MAGI2: variants seen among roughly 807,000 people sequenced by gnomAD.
MAGI2 encodes the protein membrane-associated guanylate kinase, WW and PDZ domain-containing protein 2.
MAGI2 carries 35 observed loss-of-function variants against 133.3 expected under a neutral mutation model. The observed-to-expected ratio is 0.26, with a 90% CI of 0.20 to 0.35. MAGI2 has a LOEUF of 0.35. MAGI2 is among the 10% of genes least tolerant of loss of function. MAGI2 has a pLI of 1.00. For synonymous variants in MAGI2, 729 were observed against 710.6 expected (o/e 1.03, Z -0.41); for missense variants, 1,636 against 1,863.4 (o/e 0.88, Z 2.25).
intron 2 of MAGI2, among the ~76,000 whole-genome samples, chr7:78,887,584 G>A (rs1338589711): frequency 6.6e-6 from 1 of 152,188 alleles, no homozygotes; most frequent in Non-Finnish European, 1.5e-5. Flanking sequence ...GGTGGCCATT[G>A]TCCATAAGAC....
At chr7:78,316,141 C>T (rs916141509) in intron 9 of MAGI2, among the ~76,000 whole-genome samples, 6 of 152,126 alleles carry the variant, frequency 3.9e-5, no homozygotes, top group Admixed American at 3.3e-4. Flanking sequence ...CCTTTTATCC[C>T]CTGCAGCTAC....
intron 1 of MAGI2, among the ~76,000 whole-genome samples, chr7:79,193,656 G>A (rs1223183060): frequency 6.6e-6 from 1 of 151,708 alleles, no homozygotes; most frequent in Non-Finnish European, 1.5e-5. Context: ...AAAATACCAT[G>A]AAAAGTCAAG....
At chr7:78,505,689 T>G (rs1439694859) in intron 4 of MAGI2, among the ~76,000 whole-genome samples, 1 of 152,210 alleles carries the variant, frequency 6.6e-6, no homozygotes, top group African/African-American at 2.4e-5. Context: ...ATTGATCCTT[T>G]CTCTCATGGA....
chr7:79,425,578 TTA>T (rs10639427), intron 1 of MAGI2, among the ~76,000 whole-genome samples: 18,685 of 131,132 alleles, frequency 0.14, 1,307 homozygotes, highest in South Asian at 0.24. Context: ...AATAAGGGTT[TTA>T]TATATATATA....
intron 16 of MAGI2, among the ~76,000 whole-genome samples, chr7:78,159,310 A>T (rs1480611013): frequency 7.9e-5 from 12 of 152,178 alleles, no homozygotes; most frequent in Admixed American, 7.9e-4. Flanking sequence ...CCTTCTGACT[A>T]TATCTCATGC....
intron 4 of MAGI2, chr7:78,517,920 G>C (rs1430088860): frequency 6.6e-6 from 1 of 151,730 alleles, no homozygotes; most frequent in Admixed American, 6.6e-5. Flanking sequence ...ATTTAAAGGT[G>C]GTCATTGAGT....
At chr7:78,849,673 A>G (rs1252342697) in intron 2 of MAGI2, among the ~76,000 whole-genome samples, 3 of 152,100 alleles carry the variant, frequency 2.0e-5, no homozygotes, top group Non-Finnish European at 4.4e-5. Flanking sequence ...TCCTCAAAAC[A>G]TTCTCAAACA....
At chr7:78,138,968 T>G (rs1259982526) in intron 16 of MAGI2, among the ~76,000 whole-genome samples, 1 of 152,244 alleles carries the variant, frequency 6.6e-6, no homozygotes, top group East Asian at 1.9e-4. Context: ...AAAAGCTTGC[T>G]GGTTGAGACT....
chr7:79,162,612 A>C (rs1386982113), intron 1 of MAGI2, among the ~76,000 whole-genome samples: 1 of 152,076 alleles, frequency 6.6e-6, no homozygotes, highest in Non-Finnish European at 1.5e-5. Context: ...TCCAACCATA[A>C]GGAATTTTCT....
intron 1 of MAGI2, chr7:79,125,247 G>A (rs1171420087): frequency 2.3e-6 from 1 of 440,606 alleles, no homozygotes; most frequent in South Asian, 1.8e-5. Flanking sequence ...TACTGTGAAT[G>A]GCTACAACTG....
At chr7:79,107,391 C>A (rs1425239490) in intron 1 of MAGI2, among the ~76,000 whole-genome samples, 2 of 152,138 alleles carry the variant, frequency 1.3e-5, no homozygotes, top group Non-Finnish European at 2.9e-5. Flanking sequence ...CTGCAAATGA[C>A]CTGAATGAAC....
At chr7:79,440,312 A>G (rs916131363) in intron 1 of MAGI2, among the ~76,000 whole-genome samples, 1 of 152,104 alleles carries the variant, frequency 6.6e-6, no homozygotes, top group Non-Finnish European at 1.5e-5. Context: ...TGTAAAAACT[A>G]CATAATTTTA....
Position 79,202,625 on chromosome 7 carries a change from C to T in MAGI2, c.302-195419G>A, listed in dbSNP as rs1000710815. Among the ~76,000 whole-genome samples the T allele has an allele frequency of 3.3e-5, 5 of 151,916 alleles. No individual in the cohort carries two copies. The East Asian group carries it at 9.7e-4, about 29-fold the overall frequency. ...AAAACGTATTTAAAAAACTCATGGGCAAGATACAGGTGAACAAGGAAACGT... is the reference window on the plus strand; with the variant it reads ...AAAACGTATTTAAAAAACTCATGGGTAAGATACAGGTGAACAAGGAAACGT... On this transcript the variant is annotated intron_variant, in intron 1 of 21. Transcript: ENST00000354212.
intron 12 of MAGI2, among the ~76,000 whole-genome samples, chr7:78,188,697 A>G (rs1305606162): frequency 1.3e-5 from 2 of 152,200 alleles, no homozygotes; most frequent in Admixed American, 1.3e-4. Context: ...TTGATCTAGC[A>G]CAGTGTTCAC....
At chr7:78,705,688 C>G (rs13234228) in intron 2 of MAGI2, among the ~76,000 whole-genome samples, 53,444 of 151,868 alleles carry the variant, frequency 0.35, 9,737 homozygotes, top group Middle Eastern at 0.44. Flanking sequence ...TCATGTAGGC[C>G]AATATTTTCT....
intron 3 of MAGI2, among the ~76,000 whole-genome samples, chr7:78,596,901 G>C (rs1389043296): frequency 6.6e-6 from 1 of 152,162 alleles, no homozygotes; most frequent in Non-Finnish European, 1.5e-5. Flanking sequence ...ATTAGCTGGA[G>C]TGGAGCATAA....
rs538365314 is a variant in MAGI2, at chr7:78,764,922, T to C, written c.419-137683A>G. On this transcript the variant is annotated intron_variant, in intron 2 of 21. Coordinates refer to ENST00000354212, the MANE Select transcript of MAGI2 (RefSeq NM_012301.4). ...CCTCACAACTTATTACCAGCTTAGTTAGCAAAGCATAGCCATCTTCGGATG... is the reference window on the plus strand; with the variant it reads ...CCTCACAACTTATTACCAGCTTAGTCAGCAAAGCATAGCCATCTTCGGATG... Among the ~76,000 whole-genome samples the C allele has an allele frequency of 5.3e-5, 8 of 152,252 alleles. No individual in the cohort carries two copies. The South Asian group carries it at 1.7e-3, about 32-fold the overall frequency.
At chr7:79,006,066 C>T (rs1355989485) in intron 2 of MAGI2, among the ~76,000 whole-genome samples, 1 of 152,216 alleles carries the variant, frequency 6.6e-6, no homozygotes, top group African/African-American at 2.4e-5. Context: ...TGGGTGATAA[C>T]CTTTCCATCT....
chr7:79,432,378 C>A (rs1037869847), intron 1 of MAGI2, among the ~76,000 whole-genome samples: 2 of 152,170 alleles, frequency 1.3e-5, no homozygotes, highest in Non-Finnish European at 1.5e-5. Flanking sequence ...CATGATGATA[C>A]CCACAAGCAA....
Sources: allele counts gnomAD v4.1 joint callset (sites outside exome capture counted in the v4.1 genomes callset), GRCh38; gene constraint gnomAD v4.1.1; transcripts MANE v1.5; gene names NCBI Gene and HGNC (gene_info 2026-07-23, HGNC 2026-07-21).